The following LRMDA variants were observed in gnomAD, a reference collection of about 807,000 sequenced individuals.
LRMDA encodes the protein leucine rich melanocyte differentiation associated.
A neutral mutation model predicts 29.8 loss-of-function variants in LRMDA; 18 were observed. The observed-to-expected ratio is 0.60, with a 90% CI of 0.42 to 0.90. LRMDA has a LOEUF of 0.90. LRMDA is among the 40% of genes least tolerant of loss of function. The pLI, the probability that LRMDA is intolerant of heterozygous loss-of-function variation, is 0.00. For synonymous variants in LRMDA, 125 were observed against 109.4 expected (o/e 1.14, Z -0.89); for missense variants, 273 against 273.9 (o/e 1.00, Z 0.02).
At chr10:76,090,266 C>T (rs888036234) in intron 5 of LRMDA, among the ~76,000 whole-genome samples, 4 of 152,138 alleles carry the variant, frequency 2.6e-5, no homozygotes, top group African/African-American at 9.7e-5. Context: ...CTATCTTGCT[C>T]TGGGTTGGTG....
chr10:75,435,114 T>C (rs1437021139), intron 1 of LRMDA, among the ~76,000 whole-genome samples: 1 of 152,196 alleles, frequency 6.6e-6, no homozygotes. Flanking sequence ...TTATAGAAAA[T>C]AGAGAAATTA....
In LRMDA at chr10:76,214,294, T is replaced by A. The variant is rs1427424963; in HGVS notation, c.517-110107T>A. On this transcript the variant is annotated intron_variant, in intron 5 of 6. Transcript: ENST00000611255. ...TCCCATATCCCTTCTAACTCCAACA[T>A]TTTGTGCTTTTACTGTAAGATGTCA... Among the ~76,000 whole-genome samples, 4 of 152,190 alleles carry A rather than the reference T, an allele frequency of 2.6e-5. No individual in the cohort carries two copies. In the East Asian group the frequency reaches 7.7e-4, roughly 29 times the overall value.
chr10:76,356,190 T>C (rs1841237474), intron 6 of LRMDA, among the ~76,000 whole-genome samples: 1 of 152,180 alleles, frequency 6.6e-6, no homozygotes, highest in Non-Finnish European at 1.5e-5. Flanking sequence ...AGGATGATAG[T>C]GGTGGTAGTG....
chr10:76,321,990 T>C (rs2132395056), intron 5 of LRMDA, among the ~76,000 whole-genome samples: 1 of 152,218 alleles, frequency 6.6e-6, no homozygotes, highest in East Asian at 1.9e-4. Context: ...GATTTAAGAG[T>C]CTTTATAGTC....
chr10:75,725,770 A>G (rs1326197948), intron 2 of LRMDA, among the ~76,000 whole-genome samples: 1 of 152,208 alleles, frequency 6.6e-6, no homozygotes, highest in Non-Finnish European at 1.5e-5. Context: ...CATTAATCTT[A>G]ATAATCATTT....
intron 6 of LRMDA, among the ~76,000 whole-genome samples, chr10:76,384,279 G>A (rs1175298137): frequency 6.6e-6 from 1 of 152,134 alleles, no homozygotes; most frequent in African/African-American, 2.4e-5. Flanking sequence ...ATTAACCAAT[G>A]TATTCATTTA....
At chr10:75,751,663 C>T (rs1842970804) in intron 2 of LRMDA, among the ~76,000 whole-genome samples, 1 of 152,150 alleles carries the variant, frequency 6.6e-6, no homozygotes, top group Admixed American at 6.5e-5. Context: ...CTCACCATCA[C>T]TGTTATCCTC....
chr10:75,735,181 A>AGT (rs1842746990), intron 2 of LRMDA, among the ~76,000 whole-genome samples: 1 of 152,238 alleles, frequency 6.6e-6, no homozygotes, highest in African/African-American at 2.4e-5. Flanking sequence ...ATGACTGAGG[A>AGT]GTACAGTAGG....
Position 76,324,503 on chromosome 10 carries a change from T to G in LRMDA, c.601+18T>G, listed in dbSNP as rs766183670. 207 of 1,612,112 alleles carry G rather than the reference T, an allele frequency of 1.3e-4. No homozygotes were observed. The Middle Eastern group carries it at 1.3e-3, about 10-fold the overall frequency. ...TCACCAAGGTTGGAACTCAGCTTTT[T>G]ATTGCTCTCAGTGGGTGCAGGGAGG... On this transcript the variant is annotated intron_variant, in intron 6 of 6. Coordinates refer to ENST00000611255, the MANE Select transcript of LRMDA (RefSeq NM_001305581.2).
intron 5 of LRMDA, among the ~76,000 whole-genome samples, chr10:76,110,636 AT>A (rs1447785761): frequency 6.6e-6 from 1 of 152,144 alleles, no homozygotes; most frequent in African/African-American, 2.4e-5. Context: ...TCTTCTCGTG[AT>A]AGTGAATAAG....
At chr10:75,515,459 A>G (rs1845278416) in intron 2 of LRMDA, among the ~76,000 whole-genome samples, 1 of 152,172 alleles carries the variant, frequency 6.6e-6, no homozygotes, top group Non-Finnish European at 1.5e-5. Flanking sequence ...TGCAGCCTCA[A>G]ACTCCTGGAA....
intron 6 of LRMDA, among the ~76,000 whole-genome samples, chr10:76,476,176 G>C (rs1460548643): frequency 2.6e-5 from 4 of 152,084 alleles, no homozygotes; most frequent in Admixed American, 6.6e-5. Context: ...GAATAAAAGA[G>C]AGAAGAATCA....
At chr10:75,969,299 C>T (rs1174968956) in intron 2 of LRMDA, among the ~76,000 whole-genome samples, 1 of 152,232 alleles carries the variant, frequency 6.6e-6, no homozygotes, top group Non-Finnish European at 1.5e-5. Flanking sequence ...TGAGCAACTA[C>T]TTATGTTGTC....
chr10:76,409,751 C>G (rs1841938460), intron 6 of LRMDA, among the ~76,000 whole-genome samples: 1 of 151,990 alleles, frequency 6.6e-6, no homozygotes, highest in African/African-American at 2.4e-5. Flanking sequence ...TTAGCATTTC[C>G]CAATATGTAA....
Position 75,685,363 on chromosome 10 carries a change from T to G in LRMDA, c.131+246869T>G, listed in dbSNP as rs557955576. ...AGGGCAGATTTACATCACAAGGTAT[T>G]CTTCCAGTGGTCACAAACATGGGCA... On this transcript the variant is annotated intron_variant, in intron 2 of 6. Coordinates refer to ENST00000611255, the MANE Select transcript of LRMDA (RefSeq NM_001305581.2). 2.0e-5 allele frequency among the ~76,000 whole-genome samples: 3 copies of G among 152,324 alleles called. No individual in the cohort carries two copies. The South Asian group carries it at 6.2e-4, about 32-fold the overall frequency.
chr10:75,820,718 T>C (rs1844142967), intron 2 of LRMDA, among the ~76,000 whole-genome samples: 1 of 152,126 alleles, frequency 6.6e-6, no homozygotes, highest in African/African-American at 2.4e-5. Flanking sequence ...AAAGGATCAA[T>C]GTAATGAAAA....
At chr10:76,456,576 G>T (rs1842458675) in intron 6 of LRMDA, among the ~76,000 whole-genome samples, 1 of 151,558 alleles carries the variant, frequency 6.6e-6, no homozygotes, top group South Asian at 2.1e-4. Context: ...ATTTTCATAA[G>T]GTAGTTACTG....
chr10:75,858,623 C>T (rs915199901), intron 2 of LRMDA, among the ~76,000 whole-genome samples: 1 of 152,048 alleles, frequency 6.6e-6, no homozygotes, highest in Non-Finnish European at 1.5e-5. Context: ...TTTTTACTTC[C>T]CATCCCCCTC....
chr10:75,540,581 T>C (rs1840004732), intron 2 of LRMDA, among the ~76,000 whole-genome samples: 1 of 152,174 alleles, frequency 6.6e-6, no homozygotes, highest in African/African-American at 2.4e-5. Flanking sequence ...TGCTCCACTA[T>C]TTGCTGGATG....
Sources: allele counts gnomAD v4.1 joint callset (sites outside exome capture counted in the v4.1 genomes callset), GRCh38; gene constraint gnomAD v4.1.1; transcripts MANE v1.5; gene names NCBI Gene and HGNC (gene_info 2026-07-23, HGNC 2026-07-21).